Variants in OTOG observed in about 807,000 individuals in gnomAD.
OTOG encodes otogelin.
OTOG carries 296 observed loss-of-function variants against 313.8 expected under a neutral mutation model. The observed-to-expected ratio is 0.94, with a 90% CI of 0.86 to 1.04. The LOEUF is 1.04. Among genes scored for constraint, OTOG ranks in the 50% least tolerant of loss-of-function variants. The pLI is 0.00. For synonymous variants in OTOG, 1,533 were observed against 1,554.9 expected, an observed-to-expected ratio of 0.99 and a Z score of 0.33; for missense variants, 3,948 against 3,840.1, an observed-to-expected ratio of 1.03 and a Z score of -0.74.
chr11:17,588,612 G>C (rs1183579020), intron 24 of OTOG, among the ~76,000 whole-genome samples: 1 of 152,066 alleles, frequency 6.6e-6, no homozygotes, highest in Non-Finnish European at 1.5e-5. Flanking sequence ...CAGAGCCCTG[G>C]GTCATGCCCC....
In OTOG at chr11:17,610,659, T is replaced by C. The variant is rs1853509821; in HGVS notation, c.5359T>C (p.Phe1787Leu). Residue 1787 changes from phenylalanine (F) to leucine (L), a missense_variant, in exon 36 of 56, where the codon TTC becomes CTC. By Grantham distance (22) the Phe-to-Leu change is conservative. Transcript: ENST00000399397. Reference protein sequence around the residue: ...TATDGLAATPFMSLESTRPSQ... With the variant: ...TATDGLAATPLMSLESTRPSQ... ...CACTGATGGGCTGGCAGCCACACCC[T>C]TCATGTCCCTTGAGTCAACTCGTCC... The C allele has an allele frequency of 6.4e-7, 1 of 1,550,550 alleles. No homozygotes were observed. The highest frequency in any genetic ancestry group is 1.4e-5 in the African/African-American group (1 of 73,080).
intron 38 of OTOG, among the ~76,000 whole-genome samples, chr11:17,613,265 T>TC (rs1853634068): frequency 7.2e-6 from 1 of 138,804 alleles, no homozygotes; most frequent in African/African-American, 2.9e-5. Context: ...CTTTCTTTCT[T>TC]TCTCTCTCTG....
At chr11:17,586,219 G>T (rs1852791112) in intron 23 of OTOG, among the ~76,000 whole-genome samples, 2 of 152,206 alleles carry the variant, frequency 1.3e-5, no homozygotes, top group Admixed American at 1.3e-4. Context: ...GCTGTGGCTG[G>T]TAGAGATAAG....
rs979185551 is a variant in OTOG at position 17,610,222 on chromosome 11, C to T, written c.4922C>T (p.Ala1641Val). 5.8e-6 allele frequency: 9 copies of T among 1,550,406 alleles called. No homozygotes were observed. In the African/African-American group the frequency reaches 1.2e-4, roughly 21 times the overall value. Residue 1641 changes from alanine (A) to valine (V), a missense_variant, in exon 36 of 56, where the codon GCA becomes GTA. Transcript: ENST00000399397. ...ACACCCCCACAGCCCTCCTTGACAGCAAGTCCCTCCTCCAGACCTGTGGCT... is the reference window on the plus strand; with the variant it reads ...ACACCCCCACAGCCCTCCTTGACAGTAAGTCCCTCCTCCAGACCTGTGGCT... Reference protein sequence around the residue: ...RTTPPQPSLTASPSSRPVASP... With the variant: ...RTTPPQPSLTVSPSSRPVASP...
intron 38 of OTOG, 65 bp from the exon 39 acceptor site, chr11:17,613,547 C>G: frequency 7.4e-7 from 1 of 1,343,762 alleles, no homozygotes; most frequent in Admixed American, 2.0e-5. Flanking sequence ...TTTGCTGTGC[C>G]CACTCACTTG....
Position 17,553,400 on chromosome 11 carries a change from C to G in OTOG, c.421C>G (p.Arg141Gly). ...NAGPERDSICRAWGQHHVETF... is the reference protein window; with the variant it reads ...NAGPERDSICGAWGQHHVETF... ...CGGCCCTGAGAGGGACAGCATTTGC[C>G]GGGCGTGGGGGCAGCACCACGTGGA... is the stretch of plus-strand genomic sequence containing the variant. Residue 141 changes from arginine (R) to glycine (G), a missense_variant, in exon 6 of 56, where the codon CGG becomes GGG. By Grantham distance (125) the Arg-to-Gly change is moderately radical (BLOSUM62 -2). Coordinates refer to ENST00000399397, the MANE Select transcript of OTOG (RefSeq NM_001292063.2). 1 of 1,465,464 alleles carries G rather than the reference C, an allele frequency of 6.8e-7. No homozygotes were observed. Among genetic ancestry groups the G allele is most frequent in the South Asian group, 1.4e-5 (1 of 69,748 alleles). 90.8% of individuals were successfully genotyped at this position (1,465,464 alleles called of 1,614,324 possible).
chr11:17,643,674 C>T (rs546680879), intron 54 of OTOG, among the ~76,000 whole-genome samples, 168 bp downstream of exon 54: 14 of 152,320 alleles, frequency 9.2e-5, no homozygotes, highest in South Asian at 4.1e-4. Context: ...ACGGCACTGA[C>T]GCAAATATGC....
intron 25 of OTOG, 66 bp downstream of exon 25, chr11:17,591,654 G>A: frequency 6.5e-7 from 1 of 1,529,528 alleles, no homozygotes; most frequent in Non-Finnish European, 8.8e-7. Context: ...CTGGTGCTCT[G>A]GACTCCAGTT....
chr11:17,632,901 C>A (rs772908613), intron 42 of OTOG, among the ~76,000 whole-genome samples: 5 of 152,202 alleles, frequency 3.3e-5, no homozygotes, highest in Non-Finnish European at 5.9e-5. Flanking sequence ...GTTCTTCAAA[C>A]TGTGGATCCC....
Position 17,548,418 on chromosome 11 carries a change from C to CTTT in OTOG, c.216+242_216+244dup, listed in dbSNP as rs56402246. Among the ~76,000 whole-genome samples the CTTT allele has an allele frequency of 2.7e-4, 24 of 87,624 alleles. 2 individuals are homozygous for CTTT. The highest frequency in any genetic ancestry group is 5.9e-4 in the East Asian group (2 of 3,404). 57.5% of individuals were successfully genotyped at this position (87,624 alleles called of 152,430 possible). Reference sequence around the variant, plus strand: ...ATCTCTTGGGGGTCTATAGTCCACTCTTTTTTTTTTTTTTTTTTTTTTTTT... The same window carrying CTTT: ...ATCTCTTGGGGGTCTATAGTCCACTCTTTTTTTTTTTTTTTTTTTTTTTTTTTT... On this transcript the variant is annotated intron_variant, in intron 3 of 55. Transcript: ENST00000399397.
At chr11:17,638,655 C>T in intron 48 of OTOG, 106 bp downstream of exon 48, 1 of 1,481,798 alleles carries the variant, frequency 6.7e-7, no homozygotes. Context: ...TCAGATCTGT[C>T]CCCTGCAGGG....
Position 17,640,978 on chromosome 11 carries a change from C to G in OTOG, c.8077C>G (p.Leu2693Val), listed in dbSNP as rs1435207541. Reference sequence around the variant, plus strand: ...GCAGCCCGGCCAGACAGTGGTGGAGCTCTCAGCAGATGGCGTGTGCCACAC... The same window carrying G: ...GCAGCCCGGCCAGACAGTGGTGGAGGTCTCAGCAGATGGCGTGTGCCACAC... ...VMQPGQTVVELSADGVCHTSR... is the reference protein window; with the variant it reads ...VMQPGQTVVEVSADGVCHTSR... Residue 2693 changes from leucine (L) to valine (V), a missense_variant, in exon 51 of 56, where the codon CTC (leucine) becomes GTC (valine). Transcript: ENST00000399397. The G allele has an allele frequency of 5.2e-6, 8 of 1,548,560 alleles. No individual in the cohort carries two copies. The highest frequency in any genetic ancestry group is 7.0e-6 in the Non-Finnish European group (8 of 1,146,982).
intron 39 of OTOG, among the ~76,000 whole-genome samples, chr11:17,626,545 A>G (rs1218914630): frequency 4.0e-5 from 6 of 150,712 alleles, no homozygotes; most frequent in Non-Finnish European, 8.8e-5. Context: ...ATTTGAAGTC[A>G]GGTAATGTAA....
At position 17,642,121 on chromosome 11, in the gene OTOG, C is replaced by A; in HGVS notation, c.8296-6C>A. ...AGCTCCCATTACCTACTTCTGTGCC[C>A]TCCAGCCCGGGGCATCCTGGATCGC... is the stretch of plus-strand genomic sequence containing the variant. On this transcript the variant is annotated splice_region_variant and splice_polypyrimidine_tract_variant and intron_variant, in intron 52 of 55. Coordinates refer to ENST00000399397, the MANE Select transcript of OTOG (RefSeq NM_001292063.2). The A allele has an allele frequency of 6.5e-7, 1 of 1,539,634 alleles. No homozygotes were observed. The highest frequency in any genetic ancestry group is 8.8e-7 in the Non-Finnish European group (1 of 1,140,372).
intron 40 of OTOG, among the ~76,000 whole-genome samples, chr11:17,631,395 G>T (rs1299970003): frequency 1.4e-5 from 2 of 146,300 alleles, no homozygotes; most frequent in Non-Finnish European, 3.0e-5. Flanking sequence ...TGTGTGGGGG[G>T]GGGTATACAT....
chr11:17,589,558 T>C (rs1852882021), intron 24 of OTOG, among the ~76,000 whole-genome samples: 1 of 152,112 alleles, frequency 6.6e-6, no homozygotes, highest in Admixed American at 6.5e-5. Flanking sequence ...CTCCCTCTTT[T>C]CTCCCATATA....
chr11:17,637,520 G>T (rs1289424463), intron 47 of OTOG, among the ~76,000 whole-genome samples: 5 of 152,238 alleles, frequency 3.3e-5, no homozygotes, highest in Middle Eastern at 6.8e-3. Flanking sequence ...GGGCCTCTGT[G>T]CTTCCTAAAA....
intron 6 of OTOG, among the ~76,000 whole-genome samples, chr11:17,554,581 G>A (rs1039993889): frequency 1.3e-5 from 2 of 152,248 alleles, no homozygotes; most frequent in Non-Finnish European, 2.9e-5. Context: ...GGTTGGGGGT[G>A]TGGGGAGACC....
In OTOG at chr11:17,561,727, G is replaced by A. The variant is rs1471523991; in HGVS notation, c.1564G>A (p.Ala522Thr). 9 of 1,550,252 alleles carry A rather than the reference G, an allele frequency of 5.8e-6. No individual in the cohort carries two copies. The highest frequency in any genetic ancestry group is 1.4e-5 in the African/African-American group (1 of 72,966). The change falls in exon 15 of 56, where the codon GCC becomes ACC. Residue 522 changes from alanine (A) to threonine (T), a missense_variant. Transcript: ENST00000399397. Reference sequence around the variant, plus strand: ...TGATGGCCGCCGGTACACGTTCCCCGCCACATGTCAGTACATCCTGGCCAA... The same window carrying A: ...TGATGGCCGCCGGTACACGTTCCCCACCACATGTCAGTACATCCTGGCCAA... ...TFDGRRYTFPATCQYILAKSR... is the reference protein window; with the variant it reads ...TFDGRRYTFPTTCQYILAKSR...
Sources: allele counts gnomAD v4.1 joint callset (sites outside exome capture counted in the v4.1 genomes callset), GRCh38; gene constraint gnomAD v4.1.1; transcripts MANE v1.5; gene names NCBI Gene and HGNC (gene_info 2026-07-23, HGNC 2026-07-21).